PLCB4: variants seen among roughly 807,000 people sequenced by gnomAD.
The protein encoded by PLCB4 is 1-phosphatidylinositol 4,5-bisphosphate phosphodiesterase beta-4.
In PLCB4, 77 loss-of-function variants were observed where a neutral mutation model predicts 178.8. The ratio of observed to expected loss-of-function variants is 0.43; its 90% CI spans 0.36 to 0.52. The LOEUF (loss-of-function observed/expected upper bound fraction) is 0.52. PLCB4 is among the 20% of genes least tolerant of loss of function. PLCB4 has a pLI of 0.00. For missense variants in PLCB4, 1,024 were observed against 1,453.4 expected (o/e 0.70, Z 4.80); for synonymous variants, 496 against 490.8 (o/e 1.01, Z -0.14).
intron 30 of PLCB4, among the ~76,000 whole-genome samples, chr20:9,439,552 C>T (rs1179896154): frequency 5.9e-5 from 9 of 152,128 alleles, no homozygotes; most frequent in Admixed American, 5.2e-4. Context: ...TGCTGAGAAA[C>T]GTAGAGGTAG....
At chr20:9,177,856 T>A (rs1311944418) in intron 2 of PLCB4, among the ~76,000 whole-genome samples, 1 of 152,212 alleles carries the variant, frequency 6.6e-6, no homozygotes, top group Non-Finnish European at 1.5e-5. Context: ...CACCTGCCTG[T>A]CCTCATCTCA....
intron 2 of PLCB4, among the ~76,000 whole-genome samples, chr20:9,165,810 T>G (rs549159117): frequency 6.6e-6 from 1 of 151,544 alleles, no homozygotes; most frequent in African/African-American, 2.4e-5. Context: ...TGTGTGTGTG[T>G]GTGTGTGTGT....
intron 21 of PLCB4, 24 bp downstream of exon 21, chr20:9,405,372 AT>A: frequency 1.4e-6 from 2 of 1,429,206 alleles, no homozygotes; most frequent in Non-Finnish European, 1.9e-6. Flanking sequence ...TCCCTTGCAC[AT>A]TTTAAATCAG....
At chr20:9,345,080 A>G (rs942308005) in intron 7 of PLCB4, among the ~76,000 whole-genome samples, 4 of 151,920 alleles carry the variant, frequency 2.6e-5, no homozygotes, top group African/African-American at 9.7e-5. Context: ...TCCCAGCTAC[A>G]CCAGAGGCTG....
intron 3 of PLCB4, among the ~76,000 whole-genome samples, chr20:9,290,513 G>A (rs1424191275): frequency 6.6e-6 from 1 of 152,090 alleles, no homozygotes; most frequent in Admixed American, 6.6e-5. Context: ...AAGCAAACAT[G>A]TTTTAAAATA....
intron 27 of PLCB4, 87 bp from the exon 28 acceptor site, chr20:9,423,661 C>G: frequency 2.1e-6 from 2 of 965,134 alleles, no homozygotes; most frequent in Non-Finnish European, 3.3e-6. Context: ...CATTTAAGAA[C>G]AGCATGGATT....
At chr20:9,380,030 A>C in intron 12 of PLCB4, 24 bp from the exon 13 acceptor site, 1 of 1,255,642 alleles carries the variant, frequency 8.0e-7, no homozygotes, top group Non-Finnish European at 1.2e-6. Context: ...TATCAACCTA[A>C]ATGGAGTTAT....
intron 2 of PLCB4, among the ~76,000 whole-genome samples, chr20:9,201,545 A>G (rs896457238): frequency 3.3e-5 from 5 of 152,186 alleles, no homozygotes; most frequent in African/African-American, 4.8e-5. Flanking sequence ...AATTTACTTA[A>G]CTGTCTGGGC....
rs186685428 is a variant in PLCB4 at position 9,126,096 on chromosome 20, T to A, written c.-79+29754T>A. ...CCATACTTTTTATAACTTGCATTTT[T>A]AAATAAAAACAATATTAATATTTTT... On this transcript the variant is annotated intron_variant, in intron 2 of 39. Coordinates refer to ENST00000378473, the MANE Select transcript of PLCB4 (RefSeq NM_001377142.1). Among the ~76,000 whole-genome samples, 40 of 152,328 alleles carry A rather than the reference T, an allele frequency of 2.6e-4. No individual in the cohort carries two copies. In the East Asian group the frequency reaches 7.1e-3, roughly 27 times the overall value.
intron 3 of PLCB4, among the ~76,000 whole-genome samples, chr20:9,239,962 T>C (rs549091859): frequency 2.6e-5 from 4 of 152,320 alleles, no homozygotes; most frequent in African/African-American, 7.2e-5. Flanking sequence ...TTCCATCTTC[T>C]CTTGCCTGCT....
intron 2 of PLCB4, among the ~76,000 whole-genome samples, chr20:9,161,888 A>ATAAT (rs2092894033): frequency 6.6e-6 from 1 of 152,232 alleles, no homozygotes; most frequent in Admixed American, 6.5e-5. Context: ...ATAATTATTA[A>ATAAT]TAAACTAAAA....
At position 9,419,788 on chromosome 20, in the gene PLCB4, T is replaced by C; in HGVS notation, c.2052-19T>C. 1 of 1,494,816 alleles carries C rather than the reference T, an allele frequency of 6.7e-7. No homozygotes were observed. The highest frequency in any genetic ancestry group is 1.1e-5 in the South Asian group (1 of 88,680). The allele number at this position is 1,494,816 out of a possible 1,614,324, so 92.6% of individuals were successfully genotyped here. ...TTTGTAAAACCTACTAATAAACTTCTATGCTATTGTCCTACCAGGTACCTT... is the reference window on the plus strand; with the variant it reads ...TTTGTAAAACCTACTAATAAACTTCCATGCTATTGTCCTACCAGGTACCTT... On this transcript the variant is annotated intron_variant, in intron 25 of 39. Coordinates refer to ENST00000378473, the MANE Select transcript of PLCB4 (RefSeq NM_001377142.1).
intron 3 of PLCB4, among the ~76,000 whole-genome samples, chr20:9,238,329 A>G (rs1425394764): frequency 6.6e-6 from 1 of 152,204 alleles, no homozygotes; most frequent in African/African-American, 2.4e-5. Context: ...TCCTTTGCCA[A>G]CAGCCTGAGG....
chr20:9,350,900 A>C (rs1202729532), intron 7 of PLCB4, among the ~76,000 whole-genome samples: 10 of 152,088 alleles, frequency 6.6e-5, no homozygotes, highest in Admixed American at 5.9e-4. Flanking sequence ...TGGGGCAGGG[A>C]GTGGGGGGAA....
chr20:9,318,107 C>G (rs1601808747), intron 4 of PLCB4, among the ~76,000 whole-genome samples: 1 of 152,000 alleles, frequency 6.6e-6, no homozygotes, highest in African/African-American at 2.4e-5. Context: ...CCAGATTGCG[C>G]TATTGCACTC....
chr20:9,107,032 A>C (rs570503840), intron 2 of PLCB4, among the ~76,000 whole-genome samples: 1 of 152,304 alleles, frequency 6.6e-6, no homozygotes, highest in South Asian at 2.1e-4. Flanking sequence ...AAGTAGAATG[A>C]ATGCCTAAAC....
chr20:9,233,284 T>C (rs1267692904), intron 3 of PLCB4, among the ~76,000 whole-genome samples: 1 of 152,134 alleles, frequency 6.6e-6, no homozygotes, highest in Non-Finnish European at 1.5e-5. Flanking sequence ...TTTGTAATTT[T>C]TTTTCTGTCA....
chr20:9,237,050 C>A (rs969413779), intron 3 of PLCB4, among the ~76,000 whole-genome samples: 3 of 152,134 alleles, frequency 2.0e-5, no homozygotes, highest in African/African-American at 7.2e-5. Context: ...ATGTGACATT[C>A]TCCCACAGGT....
Position 9,338,796 on chromosome 20 carries a change from T to G in PLCB4, c.226-98T>G, listed in dbSNP as rs1047006833. 4 of 915,860 alleles carry G rather than the reference T, an allele frequency of 4.4e-6. No homozygotes were observed. In the African/African-American group the frequency reaches 6.7e-5, roughly 15 times the overall value. 56.7% of individuals were successfully genotyped at this position (915,860 alleles called of 1,614,324 possible). On this transcript the variant is annotated intron_variant, in intron 6 of 39. Transcript: ENST00000378473. ...ATGCTAGGTGTCTGGGCCCTTATGT[T>G]TATTTTTACATTAAATGTGGTTTCT... is the stretch of plus-strand genomic sequence containing the variant.
Sources: allele counts gnomAD v4.1 joint callset (sites outside exome capture counted in the v4.1 genomes callset), GRCh38; gene constraint gnomAD v4.1.1; transcripts MANE v1.5; gene names NCBI Gene and HGNC (gene_info 2026-07-23, HGNC 2026-07-21).